The following BANK1 variants were observed in gnomAD, a reference collection of about 807,000 sequenced individuals.
The protein encoded by BANK1 is B cell scaffold protein with ankyrin repeats 1.
Under a neutral mutation model 94.5 loss-of-function variants are expected in BANK1, and 95 were observed. That is an observed-to-expected ratio of 1.00 (90% confidence interval 0.85 to 1.19). The LOEUF is 1.19. Ranked by LOEUF, BANK1 falls within the 50% of genes most tolerant of loss-of-function variation. The pLI, the probability that BANK1 is intolerant of heterozygous loss-of-function variation, is 0.00. For missense variants in BANK1, 987 were observed against 932.2 expected (o/e 1.06, Z -0.77); for synonymous variants, 334 against 308.4 (o/e 1.08, Z -0.87).
intron 5 of BANK1, among the ~76,000 whole-genome samples, chr4:101,893,896 C>T (rs1010842061): frequency 6.6e-6 from 1 of 151,808 alleles, no homozygotes; most frequent in South Asian, 2.1e-4. Flanking sequence ...ATTTGAAATC[C>T]CCACTTCTTT....
At chr4:101,791,241 G>A (rs1174649333) in intron 1 of BANK1, among the ~76,000 whole-genome samples, 3 of 140,090 alleles carry the variant, frequency 2.1e-5, no homozygotes, top group African/African-American at 4.9e-5. Flanking sequence ...CCCAGCACCC[G>A]GGTCAGGGTC....
intron 5 of BANK1, among the ~76,000 whole-genome samples, chr4:101,889,491 G>C (rs553110788): frequency 2.7e-5 from 4 of 150,518 alleles, no homozygotes; most frequent in African/African-American, 7.4e-5. Context: ...CCAGCTACTC[G>C]GGAGGCTGAG....
At chr4:102,007,430 T>C (rs1726344039) in intron 7 of BANK1, among the ~76,000 whole-genome samples, 1 of 151,662 alleles carries the variant, frequency 6.6e-6, no homozygotes, top group African/African-American at 2.4e-5. Context: ...TTAAATTCTT[T>C]GGCCGTTTTT....
At chr4:102,052,396 A>G (rs1728082928) in intron 11 of BANK1, among the ~76,000 whole-genome samples, 1 of 152,108 alleles carries the variant, frequency 6.6e-6, no homozygotes, top group South Asian at 2.1e-4. Context: ...GATTACAGGC[A>G]TGAGCCACCA....
intron 2 of BANK1, among the ~76,000 whole-genome samples, chr4:101,840,071 C>G (rs1198067967): frequency 1.4e-5 from 2 of 140,852 alleles, no homozygotes; most frequent in Non-Finnish European, 3.1e-5. Context: ...CGGGTTCACG[C>G]CATTCTCCTG....
chr4:101,844,282 A>G (rs1350884005), intron 2 of BANK1, among the ~76,000 whole-genome samples: 1 of 152,244 alleles, frequency 6.6e-6, no homozygotes, highest in Non-Finnish European at 1.5e-5. Context: ...AGAAGCAACC[A>G]TTGATGTGAA....
chr4:101,918,713 T>A (rs182010963), intron 7 of BANK1, among the ~76,000 whole-genome samples: 1 of 151,986 alleles, frequency 6.6e-6, no homozygotes, highest in Non-Finnish European at 1.5e-5. Context: ...ACAATGATTA[T>A]GCTGATAAAT....
intron 4 of BANK1, among the ~76,000 whole-genome samples, chr4:101,864,520 A>G (rs1298789536): frequency 6.6e-6 from 1 of 152,188 alleles, no homozygotes; most frequent in African/African-American, 2.4e-5. Flanking sequence ...TACAAAATCG[A>G]CCACGTTTCT....
rs574026647 is a variant in BANK1 at position 101,866,103 on chromosome 4, A to T, written c.763+3439A>T. Among the ~76,000 whole-genome samples, 5 of 152,318 alleles carry T rather than the reference A, an allele frequency of 3.3e-5. No homozygotes were observed. The South Asian group carries it at 1.0e-3, about 32-fold the overall frequency. ...ATCAGACTAGAATTAGATATGACAT[A>T]CATGGAAAATGTATGAAAGAACATA... On this transcript the variant is annotated intron_variant, in intron 4 of 16. Transcript: ENST00000322953.
intron 7 of BANK1, among the ~76,000 whole-genome samples, chr4:101,918,448 T>A (rs1261849515): frequency 6.6e-6 from 1 of 151,998 alleles, no homozygotes; most frequent in Non-Finnish European, 1.5e-5. Context: ...CTTCTCCCTG[T>A]TAAGTCCCAG....
At chr4:101,921,269 T>C (rs1722989482) in intron 7 of BANK1, among the ~76,000 whole-genome samples, 1 of 151,960 alleles carries the variant, frequency 6.6e-6, no homozygotes, top group South Asian at 2.1e-4. Context: ...AGAGAATTAA[T>C]ATGAAAAGTA....
intron 11 of BANK1, among the ~76,000 whole-genome samples, chr4:102,054,134 A>G (rs193076076): frequency 1.8e-4 from 28 of 152,014 alleles, no homozygotes; most frequent in Admixed American, 1.8e-3. Flanking sequence ...TTAAAACCTC[A>G]AAGATATCTT....
At chr4:101,889,310 TA>T (rs1721758883) in intron 5 of BANK1, among the ~76,000 whole-genome samples, 1 of 152,290 alleles carries the variant, frequency 6.6e-6, no homozygotes, top group Admixed American at 6.5e-5. Flanking sequence ...TTTTTCTTTG[TA>T]AGTCTTGCTA....
intron 7 of BANK1, among the ~76,000 whole-genome samples, chr4:101,919,301 A>T (rs1722925105): frequency 6.6e-6 from 1 of 151,982 alleles, no homozygotes; most frequent in Non-Finnish European, 1.5e-5. Flanking sequence ...AAGTCCTAGC[A>T]TCTAGGGATG....
At chr4:101,950,018 G>GGTGTGTATGTGTGTGT (rs1553935087) in intron 7 of BANK1, among the ~76,000 whole-genome samples, 1 of 149,304 alleles carries the variant, frequency 6.7e-6, no homozygotes, top group African/African-American at 2.5e-5. Flanking sequence ...GGAAGTAAGG[G>GGTGTGTATGTGTGTGT]GTGTGTGTGT....
rs17031639 is a variant in BANK1, at chr4:101,796,903, A to C, written c.70+5953A>C. ...TACTTAGTAAAACAGGAAGTAAAAG[A>C]GTAAGATGAGATATAAAACTAGGGA... On this transcript the variant is annotated intron_variant, in intron 1 of 16. Coordinates refer to ENST00000322953, the MANE Select transcript of BANK1 (RefSeq NM_017935.5). 5.3e-3 allele frequency among the ~76,000 whole-genome samples: 808 copies of C among 152,280 alleles called. 13 individuals are homozygous for C. In the East Asian group the frequency reaches 0.061, roughly 11 times the overall value.
At chr4:101,841,769 TC>T (rs1389917396) in intron 2 of BANK1, among the ~76,000 whole-genome samples, 1 of 83,654 alleles carries the variant, frequency 1.2e-5, no homozygotes, top group East Asian at 3.9e-4. Flanking sequence ...ATGCTATCCC[TC>T]CCCCCTCCCC....
chr4:101,850,891 A>G (rs1727448376), intron 2 of BANK1, among the ~76,000 whole-genome samples: 1 of 152,080 alleles, frequency 6.6e-6, no homozygotes, highest in Non-Finnish European at 1.5e-5. Flanking sequence ...TGACTGCTTC[A>G]CTGACTGGGT....
At chr4:101,997,218 GTGATGGATTA>G (rs1469611567) in intron 7 of BANK1, among the ~76,000 whole-genome samples, 2 of 152,082 alleles carry the variant, frequency 1.3e-5, no homozygotes, top group African/African-American at 4.8e-5. Context: ...TTCTGTTTAT[GTGATGGATTA>G]TGTTTATTGA....
Sources: allele counts gnomAD v4.1 joint callset (sites outside exome capture counted in the v4.1 genomes callset), GRCh38; gene constraint gnomAD v4.1.1; transcripts MANE v1.5; gene names NCBI Gene and HGNC (gene_info 2026-07-23, HGNC 2026-07-21).